DIAPH3: variants seen among roughly 807,000 people sequenced by gnomAD.
The protein encoded by DIAPH3 is protein diaphanous homolog 3.
A neutral mutation model predicts 144.3 loss-of-function variants in DIAPH3; 117 were observed. The observed-to-expected ratio is 0.81, with a 90% confidence interval of 0.70 to 0.95. The LOEUF is 0.95. DIAPH3 is among the 40% of genes least tolerant of loss of function. DIAPH3 has a pLI of 0.00. For synonymous variants in DIAPH3, 519 were observed against 488.9 expected (o/e 1.06, Z -0.81); for missense variants, 1,421 against 1,412.7 (o/e 1.01, Z -0.09).
At chr13:59,686,766 A>G (rs1328765115) in intron 27 of DIAPH3, among the ~76,000 whole-genome samples, 1 of 152,212 alleles carries the variant, frequency 6.6e-6, no homozygotes, top group East Asian at 1.9e-4. Context: ...CAGGGTAAGA[A>G]CATTCTAAAG....
chr13:60,009,156 G>A (rs2053078404), intron 8 of DIAPH3, among the ~76,000 whole-genome samples: 3 of 152,020 alleles, frequency 2.0e-5, no homozygotes, highest in South Asian at 2.1e-4. Context: ...AGTGATAGTC[G>A]AAAATATATA....
chr13:60,053,741 A>G (rs1357815380), intron 4 of DIAPH3, among the ~76,000 whole-genome samples: 1 of 152,088 alleles, frequency 6.6e-6, no homozygotes, highest in Non-Finnish European at 1.5e-5. Context: ...ATGTATAAGA[A>G]TACATTGAAT....
At chr13:59,669,161 T>C (rs1463773691) in intron 27 of DIAPH3, among the ~76,000 whole-genome samples, 1 of 152,204 alleles carries the variant, frequency 6.6e-6, no homozygotes, top group African/African-American at 2.4e-5. Context: ...TCTAACACAC[T>C]GAATTCTCGC....
At chr13:60,108,622 T>TA (rs1258103344) in intron 3 of DIAPH3, among the ~76,000 whole-genome samples, 2 of 150,670 alleles carry the variant, frequency 1.3e-5, no homozygotes, top group South Asian at 2.1e-4. Context: ...AAAATAAAAA[T>TA]TAAAAAATGA....
At chr13:59,904,831 C>T (rs1365056231) in intron 20 of DIAPH3, among the ~76,000 whole-genome samples, 2 of 151,834 alleles carry the variant, frequency 1.3e-5, no homozygotes, top group Non-Finnish European at 2.9e-5. Flanking sequence ...ATATAAGGAG[C>T]TCTTACAAGC....
intron 1 of DIAPH3, among the ~76,000 whole-genome samples, chr13:60,144,478 G>A (rs2138338557): frequency 6.6e-6 from 1 of 152,302 alleles, no homozygotes; most frequent in Non-Finnish European, 1.5e-5. Flanking sequence ...GAATGCCTAT[G>A]CCATAGAGGT....
At chr13:60,136,648 C>G (rs2059284985) in intron 1 of DIAPH3, among the ~76,000 whole-genome samples, 1 of 151,972 alleles carries the variant, frequency 6.6e-6, no homozygotes, top group South Asian at 2.1e-4. Context: ...AAATTATAAA[C>G]AATTCTGCCG....
intron 3 of DIAPH3, among the ~76,000 whole-genome samples, chr13:60,097,080 C>A (rs1248946642): frequency 6.6e-6 from 1 of 152,192 alleles, no homozygotes; most frequent in Non-Finnish European, 1.5e-5. Flanking sequence ...ACCCAAAATT[C>A]TCCCAGCTGC....
intron 21 of DIAPH3, among the ~76,000 whole-genome samples, chr13:59,865,060 T>C (rs934439610): frequency 6.6e-6 from 1 of 152,112 alleles, no homozygotes; most frequent in African/African-American, 2.4e-5. Context: ...AGGGCAGAGA[T>C]TCTTCATTTA....
chr13:59,759,242 G>A (rs993218908), intron 27 of DIAPH3, among the ~76,000 whole-genome samples: 1 of 152,160 alleles, frequency 6.6e-6, no homozygotes. Context: ...AGCATGTGAT[G>A]AACCATATGG....
chr13:59,930,482 T>C (rs2047970153), intron 17 of DIAPH3, among the ~76,000 whole-genome samples: 1 of 151,892 alleles, frequency 6.6e-6, no homozygotes, highest in African/African-American at 2.4e-5. Flanking sequence ...GGTAAGAAGG[T>C]GGGGGTATGT....
At chr13:59,823,084 C>A (rs1246369872) in intron 24 of DIAPH3, among the ~76,000 whole-genome samples, 1 of 152,036 alleles carries the variant, frequency 6.6e-6, no homozygotes, top group Non-Finnish European at 1.5e-5. Flanking sequence ...TTTCAGGGAA[C>A]AAACAAAATA....
chr13:59,847,943 T>C (rs1219866468), intron 22 of DIAPH3, among the ~76,000 whole-genome samples: 1 of 152,184 alleles, frequency 6.6e-6, no homozygotes, highest in Non-Finnish European at 1.5e-5. Flanking sequence ...TTAGAATTTA[T>C]CTTCCTCCTT....
At chr13:60,032,005 G>A (rs1303219820) in intron 5 of DIAPH3, among the ~76,000 whole-genome samples, 8 of 152,068 alleles carry the variant, frequency 5.3e-5, no homozygotes, top group East Asian at 1.9e-4. Flanking sequence ...CCTTCCAGGC[G>A]TGAGTCACCG....
intron 24 of DIAPH3, among the ~76,000 whole-genome samples, chr13:59,822,592 C>T (rs1478150427): frequency 6.6e-6 from 1 of 151,996 alleles, no homozygotes; most frequent in Non-Finnish European, 1.5e-5. Context: ...AGGTGTGCAC[C>T]AACATGCCTG....
At position 59,988,938 on chromosome 13, in the gene DIAPH3, C is replaced by T. The variant is rs182893370; in HGVS notation, c.1361+2220G>A. On this transcript the variant is annotated intron_variant, in intron 12 of 27. Coordinates refer to ENST00000400324, the MANE Select transcript of DIAPH3 (RefSeq NM_001042517.2). ...CTGCCTTTGACATATATTCTCCAAT[C>T]GAATTCCATTTCTGTCAAACTTTCT... Among the ~76,000 whole-genome samples the T allele has an allele frequency of 2.0e-5, 3 of 151,842 alleles. No homozygotes were observed. In the East Asian group the frequency reaches 5.9e-4, roughly 30 times the overall value.
At chr13:60,057,574 G>A (rs930813717) in intron 4 of DIAPH3, among the ~76,000 whole-genome samples, 2 of 151,982 alleles carry the variant, frequency 1.3e-5, no homozygotes. Flanking sequence ...CCAAAAAAGA[G>A]CCTGAATACC....
intron 5 of DIAPH3, among the ~76,000 whole-genome samples, chr13:60,026,674 T>TAACC (rs1418631679): frequency 1.0e-3 from 158 of 152,294 alleles, no homozygotes; most frequent in African/African-American, 3.6e-3. Context: ...GCAACTTTTT[T>TAACC]AACCAACCAA....
At chr13:59,868,373 G>A (rs1016640281) in intron 21 of DIAPH3, among the ~76,000 whole-genome samples, 10 of 151,970 alleles carry the variant, frequency 6.6e-5, no homozygotes, top group Admixed American at 1.3e-4. Context: ...AATTTTAAAG[G>A]TTTTTTAACC....
Sources: gnomAD v4.1 joint callset for allele counts (sites outside exome capture counted in the v4.1 genomes callset) on GRCh38, gnomAD v4.1.1 for gene constraint, MANE v1.5 for transcripts, NCBI Gene and HGNC (gene_info 2026-07-23, HGNC 2026-07-21) for gene names.